HIPK2: variants seen among roughly 807,000 people sequenced by gnomAD.
HIPK2 encodes homeodomain-interacting protein kinase 2.
HIPK2 carries 27 observed loss-of-function variants against 113.7 expected under a neutral mutation model. The ratio of observed to expected loss-of-function variants is 0.24; its 90% CI spans 0.17 to 0.33. The LOEUF (loss-of-function observed/expected upper bound fraction) is 0.33, where lower values mean the gene tolerates loss of function less well. HIPK2 is among the 10% of genes least tolerant of loss of function. The probability of loss-of-function intolerance (pLI) is 1.00; values close to 1 mark genes in which losing one functional copy is unlikely to be tolerated. For missense variants in HIPK2, 1,257 were observed against 1,588.0 expected (o/e 0.79, Z 3.54); for synonymous variants, 631 against 642.2 (o/e 0.98, Z 0.26).
intron 7 of HIPK2, 56 bp downstream of exon 7, chr7:139,620,345 T>A: frequency 6.3e-7 from 1 of 1,595,170 alleles, no homozygotes; most frequent in Non-Finnish European, 8.5e-7. Context: ...AAAATACAAG[T>A]CCTGAGGCTC....
At chr7:139,761,939 CAGAGAGAGAG>C (rs137949324) in intron 1 of HIPK2, among the ~76,000 whole-genome samples, 1 of 148,690 alleles carries the variant, frequency 6.7e-6, no homozygotes, top group Non-Finnish European at 1.5e-5. Context: ...TGGACAGAGA[CAGAGAGAGAG>C]AGAGAGAGAG....
intron 12 of HIPK2, among the ~76,000 whole-genome samples, chr7:139,590,364 AAAGT>A (rs1798976150): frequency 6.6e-6 from 1 of 152,350 alleles, no homozygotes; most frequent in African/African-American, 2.4e-5. Flanking sequence ...AAGGAGCTAA[AAAGT>A]AAAGAAATCC....
Position 139,565,250 on chromosome 7 carries a change from A to G in HIPK2, c.*7677T>C, listed in dbSNP as rs1031996299. ...GTTCTGCCAGAATTCCAGAATACCT[A>G]TTGAAACCAACCAGGATCTCAAACT... On this transcript the variant is annotated 3_prime_UTR_variant, in exon 15 of 15. Coordinates refer to ENST00000406875, the MANE Select transcript of HIPK2 (RefSeq NM_022740.5). The G allele has an allele frequency of 6.6e-6, 1 of 152,176 alleles. No individual in the cohort carries two copies. The highest frequency in any genetic ancestry group is 2.4e-5 in the African/African-American group (1 of 41,452). The allele number at this position is 152,176 out of a possible 1,614,324, so 9.4% of individuals were successfully genotyped here.
At chr7:139,719,209 G>T (rs1321429940) in intron 1 of HIPK2, among the ~76,000 whole-genome samples, 3 of 151,946 alleles carry the variant, frequency 2.0e-5, no homozygotes, top group Non-Finnish European at 4.4e-5. Context: ...TGCTATCTCG[G>T]CTCACTGCAA....
intron 2 of HIPK2, among the ~76,000 whole-genome samples, chr7:139,694,141 T>G (rs1794496493): frequency 6.6e-6 from 1 of 152,256 alleles, no homozygotes; most frequent in African/African-American, 2.4e-5. Context: ...ATTTCTCTTT[T>G]GACCTGGCTG....
intron 6 of HIPK2, among the ~76,000 whole-genome samples, chr7:139,622,261 C>T (rs1193917185): frequency 1.3e-5 from 2 of 152,170 alleles, no homozygotes; most frequent in East Asian, 1.9e-4. Flanking sequence ...TAACCATTTA[C>T]GGACTGATGA....
chr7:139,648,384 C>T (rs1277891032), intron 2 of HIPK2, among the ~76,000 whole-genome samples: 4 of 152,080 alleles, frequency 2.6e-5, no homozygotes, highest in Admixed American at 6.6e-5. Context: ...GATCACAGAA[C>T]CCAAAGTTAC....
At chr7:139,575,050 C>G in intron 14 of HIPK2, 78 bp downstream of exon 14, 1 of 1,482,426 alleles carries the variant, frequency 6.7e-7, no homozygotes, top group South Asian at 1.3e-5. Flanking sequence ...GAGGGGCCGC[C>G]ACAGCAATCC....
intron 2 of HIPK2, among the ~76,000 whole-genome samples, chr7:139,679,888 T>C (rs1288584159): frequency 1.3e-5 from 2 of 151,850 alleles, no homozygotes; most frequent in African/African-American, 4.8e-5. Context: ...AAGTAGAACA[T>C]TTAGCTTAAA....
At chr7:139,715,716 C>T (rs1795210469) in intron 2 of HIPK2, among the ~76,000 whole-genome samples, 1 of 152,244 alleles carries the variant, frequency 6.6e-6, no homozygotes, top group Admixed American at 6.5e-5. Context: ...CAACGCTGAA[C>T]ACCTGTGCCA....
At chr7:139,599,895 C>T (rs888606506) in intron 11 of HIPK2, among the ~76,000 whole-genome samples, 1 of 152,054 alleles carries the variant, frequency 6.6e-6, no homozygotes, top group African/African-American at 2.4e-5. Flanking sequence ...CTACTTTTGG[C>T]AAAAAACCTT....
At chr7:139,690,178 A>C (rs527291664) in intron 2 of HIPK2, among the ~76,000 whole-genome samples, 1 of 152,270 alleles carries the variant, frequency 6.6e-6, no homozygotes, top group African/African-American at 2.4e-5. Flanking sequence ...ATTCCTGAAC[A>C]CTTGCTTGCC....
intron 2 of HIPK2, among the ~76,000 whole-genome samples, chr7:139,690,285 A>G (rs1474948845): frequency 6.6e-6 from 1 of 152,088 alleles, no homozygotes; most frequent in Non-Finnish European, 1.5e-5. Context: ...GTGCACACAG[A>G]GTCAGGGGAG....
intron 12 of HIPK2, among the ~76,000 whole-genome samples, chr7:139,589,992 C>A (rs1190817476): frequency 6.6e-6 from 1 of 152,176 alleles, no homozygotes; most frequent in African/African-American, 2.4e-5. Context: ...GAAAGCTCTG[C>A]GCTCTACCTG....
At chr7:139,775,425 T>C (rs773909965) in intron 1 of HIPK2, among the ~76,000 whole-genome samples, 1 of 152,272 alleles carries the variant, frequency 6.6e-6, no homozygotes, top group Admixed American at 6.5e-5. Flanking sequence ...AACACCCAGA[T>C]CTGGGCTTTT....
In HIPK2 at chr7:139,590,236, A is replaced by G. The variant is rs1446937141; in HGVS notation, c.2718-6172T>C. ...GGGGCAGAGTGAGAAATATTTGCTG[A>G]AATGGCCTTGGAAGAACATCACTTC... is the stretch of plus-strand genomic sequence containing the variant. On this transcript the variant is annotated intron_variant, in intron 12 of 14. Transcript: ENST00000406875. Among the ~76,000 whole-genome samples, 3 of 152,240 alleles carry G rather than the reference A, an allele frequency of 2.0e-5. No individual in the cohort carries two copies. The East Asian group carries it at 5.8e-4, about 29-fold the overall frequency.
chr7:139,604,979 A>C (rs1269219656), intron 9 of HIPK2, among the ~76,000 whole-genome samples: 1 of 152,198 alleles, frequency 6.6e-6, no homozygotes, highest in Non-Finnish European at 1.5e-5. Context: ...TTGATTTATC[A>C]ATTAGAATCT....
At chr7:139,645,427 G>C (rs941101888) in intron 2 of HIPK2, among the ~76,000 whole-genome samples, 1 of 152,208 alleles carries the variant, frequency 6.6e-6, no homozygotes, top group Non-Finnish European at 1.5e-5. Context: ...ACAAGTTAGA[G>C]AGTGAATTTC....
rs2116406690 is a variant in HIPK2 at position 139,567,655 on chromosome 7, CA to C, written c.*5271del. 1 of 152,296 alleles carries C rather than the reference CA, an allele frequency of 6.6e-6. No individual in the cohort carries two copies. Among genetic ancestry groups the C allele is most frequent in the Admixed American group, 6.5e-5 (1 of 15,300 alleles). 9.4% of individuals were successfully genotyped at this position (152,296 alleles called of 1,614,324 possible). ...TAAAACACACCAGAAGGAAAAGACA[CA>C]GACAGGGAATGAAGCCTGCAAAGTC... On this transcript the variant is annotated 3_prime_UTR_variant, in exon 15 of 15. Coordinates refer to ENST00000406875, the MANE Select transcript of HIPK2 (RefSeq NM_022740.5).
Sources: allele counts gnomAD v4.1 joint callset (sites outside exome capture counted in the v4.1 genomes callset), GRCh38; gene constraint gnomAD v4.1.1; transcripts MANE v1.5; gene names NCBI Gene and HGNC (gene_info 2026-07-23, HGNC 2026-07-21).